The following ACBD6 variants were observed in gnomAD, a reference collection of about 807,000 sequenced individuals.
The protein encoded by ACBD6 is acyl-CoA binding domain containing 6, also known as acyl-CoA-binding domain-containing protein 6.
Under a neutral mutation model 37.2 loss-of-function variants are expected in ACBD6, and 28 were observed. That is an observed-to-expected ratio of 0.75 (90% CI 0.56 to 1.03). The LOEUF (loss-of-function observed/expected upper bound fraction) is 1.03. Among genes scored for constraint, ACBD6 ranks in the 50% least tolerant of loss-of-function variants. The pLI, the probability that ACBD6 is intolerant of heterozygous loss-of-function variation, is 0.00. For missense variants in ACBD6, 340 were observed against 337.4 expected (o/e 1.01, Z -0.06); for synonymous variants, 113 against 126.8 (o/e 0.89, Z 0.73).
chr1:180,487,994 A>C (rs1451246167), intron 3 of ACBD6, among the ~76,000 whole-genome samples: 1 of 152,198 alleles, frequency 6.6e-6, no homozygotes, highest in African/African-American at 2.4e-5. Flanking sequence ...GGACCACTGC[A>C]TAAGAAAAGG....
intron 6 of ACBD6, among the ~76,000 whole-genome samples, chr1:180,323,068 TTAAAGAA>T (rs1558249432): frequency 1.3e-5 from 2 of 151,918 alleles, no homozygotes; most frequent in African/African-American, 2.4e-5. Context: ...TTCACCATTG[TTAAAGAA>T]ATTTTTCAAT....
At chr1:180,427,715 A>C (rs1399561493) in intron 4 of ACBD6, among the ~76,000 whole-genome samples, 1 of 152,148 alleles carries the variant, frequency 6.6e-6, no homozygotes, top group Non-Finnish European at 1.5e-5. Context: ...CGAGGTCAAG[A>C]GATCGAGACC....
At chr1:180,280,429 G>A (rs1649275019) in intron 9 of ACBD6, among the ~76,000 whole-genome samples, 2 of 152,026 alleles carry the variant, frequency 1.3e-5, no homozygotes. Context: ...CTGGACCTCT[G>A]AGTTCTCTAA....
chr1:180,398,887 T>C (rs1012687764), intron 5 of ACBD6, among the ~76,000 whole-genome samples: 32 of 150,740 alleles, frequency 2.1e-4, no homozygotes, highest in African/African-American at 7.9e-4. Context: ...TTTAAATAGA[T>C]ATAAGCTAGG....
At chr1:180,491,366 C>A (rs1041710925) in intron 3 of ACBD6, among the ~76,000 whole-genome samples, 5 of 152,254 alleles carry the variant, frequency 3.3e-5, no homozygotes, top group Non-Finnish European at 7.4e-5. Context: ...ATAGTAACCT[C>A]ACCTTTATTA....
chr1:180,386,519 C>T (rs974492183), intron 6 of ACBD6, among the ~76,000 whole-genome samples: 7 of 151,990 alleles, frequency 4.6e-5, no homozygotes, highest in Admixed American at 3.3e-4. Context: ...CTTGTAGTTC[C>T]ACACTCTTTC....
At chr1:180,273,838 G>A in intron 11 of ACBD6, 1 of 308,576 alleles carries the variant, frequency 3.2e-6, no homozygotes, top group East Asian at 7.9e-5. Context: ...GTTTCCATTT[G>A]TGATGTGGAG....
chr1:180,367,386 TA>T (rs1653091532), intron 6 of ACBD6, among the ~76,000 whole-genome samples: 1 of 152,204 alleles, frequency 6.6e-6, no homozygotes, highest in African/African-American at 2.4e-5. Context: ...CTTTCCTTTT[TA>T]AAAAAACTTT....
At chr1:180,386,645 T>A (rs1653855605) in intron 6 of ACBD6, among the ~76,000 whole-genome samples, 1 of 152,180 alleles carries the variant, frequency 6.6e-6, no homozygotes, top group Admixed American at 6.5e-5. Context: ...ATTCAAATTA[T>A]ATACTTTCTA....
rs1256784641 is a variant in ACBD6 at position 180,492,345 on chromosome 1, C to T, written c.308G>A (p.Gly103Asp). 6.2e-7 allele frequency: 1 copy of T among 1,613,936 alleles called. No individual in the cohort carries two copies. The highest frequency in any genetic ancestry group is 8.5e-7 in the Non-Finnish European group (1 of 1,179,938). The change falls in exon 3 of 8, where the codon GGT (glycine) becomes GAT (aspartate). Residue 103 changes from glycine to aspartate, a missense_variant. Gly to Asp is a moderately conservative substitution (Grantham distance 94). Transcript: ENST00000367595. ...CATTGCTTGGCTGGGGCTTGAATCA[C>T]CAAGTGCTTTCCAAGCTTCCCTACA... ...KQKWEAWKAL[G>D]DSSPSQAMQE... is the part of the protein sequence containing the mutation.
chr1:180,360,660 A>G (rs930011453), intron 6 of ACBD6, among the ~76,000 whole-genome samples: 18 of 152,182 alleles, frequency 1.2e-4, no homozygotes, highest in Non-Finnish European at 1.9e-4. Context: ...TTGGACAAAC[A>G]GAAGTCAACC....
At chr1:180,493,277 A>C (rs1651593699) in intron 2 of ACBD6, among the ~76,000 whole-genome samples, 1 of 113,518 alleles carries the variant, frequency 8.8e-6, no homozygotes, top group Non-Finnish European at 1.8e-5. Flanking sequence ...AAAAAAAAAA[A>C]ACAACAACAG....
intron 6 of ACBD6, among the ~76,000 whole-genome samples, chr1:180,356,444 T>C (rs1427516912): frequency 6.6e-6 from 1 of 152,060 alleles, no homozygotes; most frequent in Non-Finnish European, 1.5e-5. Context: ...AGTGCTGGGA[T>C]TACAGGTGTG....
At chr1:180,474,370 G>C (rs533298239) in intron 3 of ACBD6, among the ~76,000 whole-genome samples, 2 of 152,042 alleles carry the variant, frequency 1.3e-5, no homozygotes, top group Middle Eastern at 3.4e-3. Context: ...CCCTAGAAAA[G>C]AGCACCAGCC....
chr1:180,359,791 T>G (rs925100889), intron 6 of ACBD6, among the ~76,000 whole-genome samples: 4 of 152,102 alleles, frequency 2.6e-5, no homozygotes, highest in African/African-American at 9.7e-5. Flanking sequence ...ATAATGGTGT[T>G]TTTTTTGTCT....
downstream of ACBD6, chr1:180,288,200 CAAG>C (rs1182609314): frequency 4.1e-5 from 38 of 927,166 alleles, no homozygotes; most frequent in South Asian, 5.2e-4. Context: ...AGAATGTATG[CAAG>C]AAGAATGAAT....
chr1:180,445,752 C>A (rs1005025309), intron 3 of ACBD6, among the ~76,000 whole-genome samples: 7 of 151,546 alleles, frequency 4.6e-5, no homozygotes, highest in Non-Finnish European at 8.8e-5. Context: ...TGGTGAGACC[C>A]TGTCTCTACA....
chr1:180,488,439 AC>A (rs1181314139), intron 3 of ACBD6, among the ~76,000 whole-genome samples: 1 of 152,228 alleles, frequency 6.6e-6, no homozygotes, highest in Non-Finnish European at 1.5e-5. Flanking sequence ...TGAATTTTTT[AC>A]ACGTATACAT....
chr1:180,388,125 A>T (rs921255530), intron 6 of ACBD6, among the ~76,000 whole-genome samples: 2 of 151,088 alleles, frequency 1.3e-5, no homozygotes, highest in Admixed American at 1.3e-4. Context: ...GCAGTGAGCC[A>T]AGATCGCGCC....
Sources: gnomAD v4.1 joint callset for allele counts (sites outside exome capture counted in the v4.1 genomes callset) on GRCh38, gnomAD v4.1.1 for gene constraint, MANE v1.5 for transcripts, NCBI Gene and HGNC (gene_info 2026-07-23, HGNC 2026-07-21) for gene names.